DNAJB4: variants seen among roughly 807,000 people sequenced by gnomAD.
The protein encoded by DNAJB4 is DnaJ heat shock protein family (Hsp40) member B4, also known as dnaJ homolog subfamily B member 4.
DNAJB4 carries 10 observed loss-of-function variants against 26.6 expected under a neutral mutation model. The observed-to-expected ratio is 0.38, with a 90% CI of 0.23 to 0.64. The LOEUF (loss-of-function observed/expected upper bound fraction) is 0.64. DNAJB4 is among the 30% of genes least tolerant of loss of function. The pLI is 0.58. For synonymous variants in DNAJB4, 136 were observed against 134.8 expected (o/e 1.01, Z -0.06); for missense variants, 328 against 408.2 (o/e 0.80, Z 1.69).
At chr1:77,987,356 T>C (rs2102588767) in intron 1 of DNAJB4, among the ~76,000 whole-genome samples, 1 of 152,308 alleles carries the variant, frequency 6.6e-6, no homozygotes, top group South Asian at 2.1e-4. Flanking sequence ...CTTGAGCTCT[T>C]GGGCTCAAGT....
intron 1 of DNAJB4, among the ~76,000 whole-genome samples, chr1:77,999,392 T>A (rs1660138249): frequency 1.3e-5 from 2 of 151,890 alleles, no homozygotes. Flanking sequence ...AACTGTAAAG[T>A]ATTATATAAA....
At chr1:78,008,912 A>G (rs1461017048) in intron 1 of DNAJB4, among the ~76,000 whole-genome samples, 2 of 152,016 alleles carry the variant, frequency 1.3e-5, no homozygotes, top group Non-Finnish European at 2.9e-5. Flanking sequence ...AAAAGAAAAG[A>G]TTTTCAATAA....
intron 1 of DNAJB4, among the ~76,000 whole-genome samples, chr1:78,009,497 TCACA>T (rs1287599519): frequency 2.0e-5 from 3 of 152,202 alleles, no homozygotes; most frequent in African/African-American, 7.2e-5. Flanking sequence ...CGTTTTTTGA[TCACA>T]CAAAGTGATG....
chr1:78,007,552 G>T (rs1441265186), intron 1 of DNAJB4, among the ~76,000 whole-genome samples: 1 of 152,142 alleles, frequency 6.6e-6, no homozygotes, highest in Non-Finnish European at 1.5e-5. Flanking sequence ...CTGCACTTCA[G>T]CCTGGGCGAC....
chr1:77,997,294 A>G (rs1660083231), intron 1 of DNAJB4, among the ~76,000 whole-genome samples: 1 of 146,964 alleles, frequency 6.8e-6, no homozygotes, highest in Non-Finnish European at 1.5e-5. Flanking sequence ...CCTGGGAGAC[A>G]TAGTGAGAAC....
chr1:78,006,892 A>G (rs1429013252), intron 1 of DNAJB4, among the ~76,000 whole-genome samples: 1 of 152,216 alleles, frequency 6.6e-6, no homozygotes, highest in Non-Finnish European at 1.5e-5. Context: ...ATTCCTGTGA[A>G]AAAGCAGATA....
intron 1 of DNAJB4, 80 bp downstream of exon 1, chr1:78,005,401 C>A: frequency 2.5e-6 from 3 of 1,216,408 alleles, no homozygotes; most frequent in Non-Finnish European, 3.4e-6. Context: ...AGCCTTTTTC[C>A]CCTCTCTCTC....
At chr1:77,990,444 G>A (rs535106444) in intron 1 of DNAJB4, among the ~76,000 whole-genome samples, 14 of 152,304 alleles carry the variant, frequency 9.2e-5, no homozygotes, top group African/African-American at 2.4e-4. Flanking sequence ...AATGAATATT[G>A]TTGTGTTGGT....
At chr1:77,996,206 A>G (rs1467406210) in intron 1 of DNAJB4, among the ~76,000 whole-genome samples, 1 of 152,128 alleles carries the variant, frequency 6.6e-6, no homozygotes, top group Non-Finnish European at 1.5e-5. Context: ...AGGTTTGAAT[A>G]CAGTGGCATG....
chr1:77,982,956 T>C (rs1181414351), intron 1 of DNAJB4, among the ~76,000 whole-genome samples: 3 of 152,116 alleles, frequency 2.0e-5, no homozygotes, highest in South Asian at 2.1e-4. Flanking sequence ...AACGAGAGAC[T>C]TAGGAAAGAA....
chr1:78,000,915 G>A (rs1041681550), upstream of DNAJB4, among the ~76,000 whole-genome samples: 7 of 152,106 alleles, frequency 4.6e-5, no homozygotes, highest in African/African-American at 9.7e-5. Context: ...CCCGGGAGGC[G>A]GAGGTTGCAG....
At chr1:77,987,363 A>T (rs1345372801) in intron 1 of DNAJB4, among the ~76,000 whole-genome samples, 1 of 152,228 alleles carries the variant, frequency 6.6e-6, no homozygotes, top group East Asian at 1.9e-4. Context: ...TCTTGGGCTC[A>T]AGTGATCCCC....
intron 1 of DNAJB4, among the ~76,000 whole-genome samples, chr1:78,011,703 C>T (rs1041782521): frequency 2.0e-5 from 3 of 151,696 alleles, no homozygotes; most frequent in African/African-American, 7.3e-5. Context: ...AGGCTGGTCT[C>T]GAACTCCTGA....
intron 2 of DNAJB4, among the ~76,000 whole-genome samples, chr1:78,014,136 T>G (rs1301114680): frequency 6.6e-6 from 1 of 152,090 alleles, no homozygotes; most frequent in African/African-American, 2.4e-5. Context: ...TCTTTTTTTT[T>G]TTTGAGACAG....
chr1:78,010,910 A>G (rs914302256), intron 1 of DNAJB4, among the ~76,000 whole-genome samples: 2 of 152,210 alleles, frequency 1.3e-5, no homozygotes, highest in Non-Finnish European at 2.9e-5. Context: ...TTCATTCACT[A>G]AGCATGAATA....
At chr1:77,984,919 G>C (rs1244488656) in intron 1 of DNAJB4, among the ~76,000 whole-genome samples, 1 of 152,202 alleles carries the variant, frequency 6.6e-6, no homozygotes, top group Non-Finnish European at 1.5e-5. Flanking sequence ...CCATAACACA[G>C]ATTGCTGAGT....
chr1:78,011,673 G>A (rs1174775584), intron 1 of DNAJB4, among the ~76,000 whole-genome samples: 2 of 148,306 alleles, frequency 1.3e-5, no homozygotes, highest in African/African-American at 2.6e-5. Context: ...TAGTAGAGAC[G>A]GGGTTTCACC....
intron 1 of DNAJB4, among the ~76,000 whole-genome samples, chr1:77,986,926 G>A (rs1474636601): frequency 6.6e-6 from 1 of 151,992 alleles, no homozygotes; most frequent in African/African-American, 2.4e-5. Context: ...TTGCATAATG[G>A]TTGCCACAGT....
chr1:77,991,088 C>G (rs1659921284), intron 1 of DNAJB4, among the ~76,000 whole-genome samples: 1 of 152,110 alleles, frequency 6.6e-6, no homozygotes, highest in Non-Finnish European at 1.5e-5. Context: ...AGCCCATCTA[C>G]AGGGTGAGTC....
Sources: allele counts gnomAD v4.1 joint callset (sites outside exome capture counted in the v4.1 genomes callset), GRCh38; gene constraint gnomAD v4.1.1; transcripts MANE v1.5; gene names NCBI Gene and HGNC (gene_info 2026-07-23, HGNC 2026-07-21).